ATF2: variants seen among roughly 807,000 people sequenced by gnomAD.
The protein encoded by ATF2 is activating transcription factor 2.
ATF2 carries 24 observed loss-of-function variants against 60.6 expected under a neutral mutation model. The observed-to-expected ratio is 0.40, with a 90% CI of 0.29 to 0.56. The LOEUF (loss-of-function observed/expected upper bound fraction) is 0.56, where lower values mean the gene tolerates loss of function less well. Among genes scored for constraint, ATF2 ranks in the 20% least tolerant of loss-of-function variants. The pLI, the probability that ATF2 is intolerant of heterozygous loss-of-function variation, is 0.54. For synonymous variants in ATF2, 206 were observed against 215.4 expected (o/e 0.96, Z 0.38); for missense variants, 433 against 607.7 (o/e 0.71, Z 3.02).
At chr2:175,081,364 T>A (rs547464403) in intron 12 of ATF2, among the ~76,000 whole-genome samples, 36 of 152,296 alleles carry the variant, frequency 2.4e-4, no homozygotes, top group African/African-American at 7.9e-4. Context: ...TTTGTACACA[T>A]CTAAATTTAA....
At chr2:175,167,949 G>A (rs970846477) in intron 1 of ATF2, 101 bp downstream of exon 1, 9 of 351,830 alleles carry the variant, frequency 2.6e-5, no homozygotes, top group Middle Eastern at 1.0e-3. Context: ...ATGGGAAACG[G>A]GGGGTGGGGA....
intron 7 of ATF2, among the ~76,000 whole-genome samples, chr2:175,116,637 A>G (rs1036354605): frequency 6.6e-6 from 1 of 151,198 alleles, no homozygotes; most frequent in Admixed American, 6.6e-5. Flanking sequence ...AGAAAGAAGA[A>G]GAGGTCCAGA....
chr2:175,092,316 T>C (rs1312109072), intron 12 of ATF2: 4 of 156,780 alleles, frequency 2.6e-5, no homozygotes, highest in East Asian at 1.9e-4. Flanking sequence ...CTGCAATTCA[T>C]TAACATCAAT....
intron 1 of ATF2, among the ~76,000 whole-genome samples, chr2:175,155,935 A>G (rs1250818945): frequency 6.6e-6 from 1 of 152,222 alleles, no homozygotes; most frequent in Non-Finnish European, 1.5e-5. Context: ...GTACAAGGGT[A>G]GAGAATTTAT....
At chr2:175,114,388 AGTAAGAACT>A (rs1406031747) in intron 8 of ATF2, 1 of 1,252,784 alleles carries the variant, frequency 8.0e-7, no homozygotes, top group African/African-American at 1.6e-5. Flanking sequence ...GGGAGCTACC[AGTAAGAACT>A]GAAAGAAATG....
Position 175,074,561 on chromosome 2 carries a change from T to C in ATF2, c.*48A>G, listed in dbSNP as rs753058454. ...AAACTGGTCTTTCCTTGATTTCCCT[T>C]TGAAGTCACTAATGAGTATCTAAAA... On this transcript the variant is annotated 3_prime_UTR_variant, in exon 14 of 14. Coordinates refer to ENST00000264110, the MANE Select transcript of ATF2 (RefSeq NM_001880.4). 1.9e-6 allele frequency: 3 copies of C among 1,549,342 alleles called. No individual in the cohort carries two copies. Among genetic ancestry groups the C allele is most frequent in the African/African-American group, 1.4e-5 (1 of 73,136 alleles).
intron 1 of ATF2, among the ~76,000 whole-genome samples, chr2:175,163,044 G>C (rs1038980049): frequency 6.6e-6 from 1 of 152,104 alleles, no homozygotes; most frequent in Admixed American, 6.5e-5. Context: ...TGAGGCAGGA[G>C]AATGGCATGA....
At chr2:175,077,575 T>TA (rs1046048640) in intron 13 of ATF2, among the ~76,000 whole-genome samples, 5 of 152,162 alleles carry the variant, frequency 3.3e-5, no homozygotes, top group Admixed American at 3.3e-4. Flanking sequence ...CTTTTAAAAA[T>TA]AAAGAGGCTG....
At chr2:175,111,230 A>G (rs961140453) in intron 10 of ATF2, among the ~76,000 whole-genome samples, 3 of 152,194 alleles carry the variant, frequency 2.0e-5, no homozygotes, top group Non-Finnish European at 2.9e-5. Flanking sequence ...ACCACTCATC[A>G]TTATTAGCAG....
chr2:175,104,474 G>T (rs772355237), intron 10 of ATF2, among the ~76,000 whole-genome samples: 4 of 152,040 alleles, frequency 2.6e-5, no homozygotes, highest in Admixed American at 6.6e-5. Context: ...GGGTGGGGGG[G>T]GCGGTGCGCA....
At chr2:175,136,005 T>C (rs2105765824) in intron 3 of ATF2, among the ~76,000 whole-genome samples, 1 of 149,706 alleles carries the variant, frequency 6.7e-6, no homozygotes, top group African/African-American at 2.5e-5. Context: ...ATACTTTTCT[T>C]TCTTTCTTTG....
intron 1 of ATF2, among the ~76,000 whole-genome samples, chr2:175,157,566 G>C (rs543246019): frequency 3.9e-5 from 6 of 152,258 alleles, no homozygotes; most frequent in African/African-American, 1.4e-4. Context: ...CCTATTGATT[G>C]GTTGATGATT....
intron 5 of ATF2, 89 bp from the exon 6 acceptor site, chr2:175,118,458 G>A: frequency 1.9e-6 from 2 of 1,056,420 alleles, no homozygotes. Context: ...TAGCAGGACT[G>A]GTTCAGTCAG....
At chr2:175,106,663 C>T (rs1161373802) in intron 10 of ATF2, among the ~76,000 whole-genome samples, 2 of 151,892 alleles carry the variant, frequency 1.3e-5, no homozygotes, top group Non-Finnish European at 2.9e-5. Context: ...TGGTGAAACC[C>T]CATCTCTACT....
chr2:175,097,657 AG>A, intron 10 of ATF2, 64 bp from the exon 11 acceptor site: 1 of 1,562,512 alleles, frequency 6.4e-7, no homozygotes, highest in South Asian at 1.1e-5. Flanking sequence ...AATATCAACA[AG>A]ACAAACAATA....
intron 1 of ATF2, among the ~76,000 whole-genome samples, chr2:175,160,414 T>C (rs1442279672): frequency 6.6e-6 from 1 of 152,158 alleles, no homozygotes; most frequent in African/African-American, 2.4e-5. Context: ...ATGGATTATG[T>C]ACTATGCCCA....
chr2:175,086,549 T>G (rs192500480), intron 12 of ATF2, among the ~76,000 whole-genome samples: 39 of 152,096 alleles, frequency 2.6e-4, no homozygotes, highest in Admixed American at 2.4e-3. Context: ...AAAAGCTGAG[T>G]GGTTCCTAAG....
chr2:175,074,650 C>A lies in ATF2; in HGVS notation c.1477G>T (p.Val493Phe), dbSNP rs760104049. The A allele has an allele frequency of 6.2e-7, 1 of 1,613,184 alleles. No individual in the cohort carries two copies. The highest frequency in any genetic ancestry group is 1.1e-5 in the South Asian group (1 of 91,056). ...TGTGACTGGGAGGAAGGAGCCATAA[C>A]GATCTGTGAAAGAGCAGGCTCTGTA... ...QSTEPALSQIVMAPSSQSQPS... is the reference protein window; with the variant it reads ...QSTEPALSQIFMAPSSQSQPS... Residue 493 changes from valine to phenylalanine, a missense_variant, in exon 14 of 14, where the codon GTT becomes TTT. Transcript: ENST00000264110.
chr2:175,133,281 G>GT (rs1214133130), intron 3 of ATF2, among the ~76,000 whole-genome samples: 1 of 152,022 alleles, frequency 6.6e-6, no homozygotes, highest in East Asian at 1.9e-4. Flanking sequence ...AGACACTGTG[G>GT]TATCAGTCCA....
Sources: allele counts gnomAD v4.1 joint callset (sites outside exome capture counted in the v4.1 genomes callset), GRCh38; gene constraint gnomAD v4.1.1; transcripts MANE v1.5; gene names NCBI Gene and HGNC (gene_info 2026-07-23, HGNC 2026-07-21).